The following ORC4 variants were observed in gnomAD, a reference collection of about 807,000 sequenced individuals.
The protein encoded by ORC4 is origin recognition complex, subunit 4 homolog.
A neutral mutation model predicts 63.9 loss-of-function variants in ORC4; 55 were observed. The observed-to-expected ratio is 0.86, with a 90% CI of 0.69 to 1.08. ORC4 has a LOEUF of 1.08. ORC4 is among the 50% of genes least tolerant of loss of function. The pLI, the probability that ORC4 is intolerant of heterozygous loss-of-function variation, is 0.00. For missense variants in ORC4, 511 were observed against 504.4 expected (o/e 1.01, Z -0.13); for synonymous variants, 150 against 168.5 (o/e 0.89, Z 0.85).
chr2:148,002,702 A>C (rs1324698583), intron 1 of ORC4, among the ~76,000 whole-genome samples: 3 of 152,140 alleles, frequency 2.0e-5, no homozygotes, highest in African/African-American at 4.8e-5. Flanking sequence ...AATTAAAAAA[A>C]CTAGAGAAGC....
At position 147,935,413 on chromosome 2, in the gene ORC4, T is replaced by G; in HGVS notation, c.*97A>C. On this transcript the variant is annotated 3_prime_UTR_variant, in exon 14 of 14. Transcript: ENST00000392857. ...CAAGTCTCACATAAATACAAGAATGTTTATAGAATGTTTAGCATATCATGT... is the reference window on the plus strand; with the variant it reads ...CAAGTCTCACATAAATACAAGAATGGTTATAGAATGTTTAGCATATCATGT... 1.1e-6 allele frequency: 1 copy of G among 915,944 alleles called. No homozygotes were observed. The highest frequency in any genetic ancestry group is 1.8e-6 in the Non-Finnish European group (1 of 561,278). 56.7% of individuals were successfully genotyped at this position (915,944 alleles called of 1,614,324 possible).
chr2:147,947,910 G>GTA (rs1688744559), intron 9 of ORC4, 141 bp downstream of exon 9: 1 of 667,276 alleles, frequency 1.5e-6, no homozygotes, highest in Non-Finnish European at 2.6e-6. Flanking sequence ...TTTTTAAAAA[G>GTA]TATATAATTT....
chr2:147,938,073 T>G (rs1688152093), intron 13 of ORC4, 73 bp downstream of exon 13: 1 of 1,002,088 alleles, frequency 1.0e-6, no homozygotes, highest in Non-Finnish European at 1.6e-6. Flanking sequence ...GAAAGTGCAA[T>G]TTTAATACAT....
Position 147,972,798 on chromosome 2 carries a change from G to A in ORC4, c.166C>T (p.Leu56Phe). Residue 56 changes from leucine (L) to phenylalanine (F), a missense_variant, in exon 4 of 14, where the codon CTC becomes TTC. Leu to Phe is a conservative substitution (Grantham distance 22). Transcript: ENST00000392857. ...HLSELLKRTALHGESNSVLII... is the reference protein window; with the variant it reads ...HLSELLKRTAFHGESNSVLII... ...AGGACAGAGTTACTCTCTCCATGGA[G>A]AGCAGTTCTTTTCAGCAGCTCACTT... The A allele has an allele frequency of 6.2e-7, 1 of 1,611,802 alleles. No homozygotes were observed.
intron 1 of ORC4, among the ~76,000 whole-genome samples, chr2:148,000,454 T>C (rs936128020): frequency 1.6e-4 from 24 of 152,142 alleles, no homozygotes; most frequent in African/African-American, 5.8e-4. Flanking sequence ...ATTTCACCTT[T>C]ATAATTTGAA....
In ORC4 at chr2:147,935,371, C is replaced by A; in HGVS notation, c.*139G>T. On this transcript the variant is annotated 3_prime_UTR_variant, in exon 14 of 14. Transcript: ENST00000392857. ...TTCATGATTAAAAGGCAAGACACAG[C>A]CAAGACAGTAGATGGGCAAGTCTCA... The A allele has an allele frequency of 1.4e-6, 1 of 693,768 alleles. No homozygotes were observed. Among genetic ancestry groups the A allele is most frequent in the Non-Finnish European group, 2.6e-6 (1 of 388,190 alleles). The allele number at this position is 693,768 out of a possible 1,614,324, so 43.0% of individuals were successfully genotyped here.
chr2:147,978,349 T>A (rs1174369086), intron 1 of ORC4, among the ~76,000 whole-genome samples: 4 of 152,186 alleles, frequency 2.6e-5, no homozygotes, highest in Non-Finnish European at 5.9e-5. Context: ...GGACAGAGAT[T>A]GGCAAGTCTG....
intron 4 of ORC4, among the ~76,000 whole-genome samples, chr2:147,965,141 G>T (rs1009331153): frequency 5.9e-5 from 9 of 152,168 alleles, no homozygotes; most frequent in African/African-American, 2.2e-4. Context: ...TGGTACTGCG[G>T]ATACATAAAG....
At chr2:147,973,050 T>A (rs1400396954) in intron 3 of ORC4, among the ~76,000 whole-genome samples, 1 of 152,064 alleles carries the variant, frequency 6.6e-6, no homozygotes, top group East Asian at 1.9e-4. Context: ...CGTAGTCAGA[T>A]TGGAATATAT....
intron 1 of ORC4, among the ~76,000 whole-genome samples, chr2:148,013,583 T>C (rs1248740645): frequency 1.3e-5 from 2 of 152,186 alleles, no homozygotes; most frequent in Admixed American, 6.6e-5. Context: ...GGAAATGAAA[T>C]GTCCCTAACA....
At position 147,935,206 on chromosome 2, in the gene ORC4, G is replaced by T; in HGVS notation, c.*304C>A. The T allele has an allele frequency of 3.1e-6, 1 of 324,860 alleles. No homozygotes were observed. The highest frequency in any genetic ancestry group is 4.5e-5 in the Admixed American group (1 of 22,116). The allele number at this position is 324,860 out of a possible 1,614,324, so 20.1% of individuals were successfully genotyped here. A position where few individuals can be genotyped will look rare whatever the true frequency, so the allele number is the denominator to read the frequency against. On this transcript the variant is annotated 3_prime_UTR_variant, in exon 14 of 14. Coordinates refer to ENST00000392857, the MANE Select transcript of ORC4 (RefSeq NM_181741.4). ...AAAGACATCTAGCTGTTAGGTTGAA[G>T]TGAGCTCTTCAAATAGACCATTATA...
intron 1 of ORC4, among the ~76,000 whole-genome samples, chr2:147,987,579 A>T (rs368793466): frequency 1.3e-5 from 2 of 152,196 alleles, no homozygotes. Context: ...CGACGCCAGG[A>T]GCTGTAACAC....
At chr2:148,017,608 G>A (rs1693388044) in intron 1 of ORC4, among the ~76,000 whole-genome samples, 1 of 152,162 alleles carries the variant, frequency 6.6e-6, no homozygotes, top group Non-Finnish European at 1.5e-5. Flanking sequence ...GGAGGCGGAG[G>A]TTGCAGTGAG....
intron 1 of ORC4, among the ~76,000 whole-genome samples, chr2:148,000,969 T>A (rs990359780): frequency 6.6e-6 from 1 of 152,024 alleles, no homozygotes; most frequent in Non-Finnish European, 1.5e-5. Context: ...GAGGTAGCAA[T>A]ATAAAATGTT....
intron 1 of ORC4, among the ~76,000 whole-genome samples, chr2:147,982,380 A>G (rs1690938608): frequency 6.6e-6 from 1 of 152,344 alleles, no homozygotes; most frequent in East Asian, 1.9e-4. Flanking sequence ...GACTAATTAA[A>G]ATGTAAAAAG....
intron 4 of ORC4, among the ~76,000 whole-genome samples, chr2:147,970,217 T>G (rs1690133827): frequency 6.6e-6 from 1 of 152,150 alleles, no homozygotes; most frequent in African/African-American, 2.4e-5. Flanking sequence ...AAATAGATAC[T>G]CCAAGAACGG....
At chr2:147,994,255 T>A (rs1404217645) in intron 1 of ORC4, among the ~76,000 whole-genome samples, 1 of 152,084 alleles carries the variant, frequency 6.6e-6, no homozygotes, top group African/African-American at 2.4e-5. Context: ...TAGAAAAAAA[T>A]TCGTATTGTT....
intron 1 of ORC4, among the ~76,000 whole-genome samples, chr2:148,015,228 C>G (rs1039769773): frequency 3.4e-5 from 5 of 148,790 alleles, no homozygotes; most frequent in Non-Finnish European, 5.9e-5. Flanking sequence ...AGATTTCCTT[C>G]AAAGCAGCAT....
At position 147,958,617 on chromosome 2, in the gene ORC4, G is replaced by T. The variant is rs934464534; in HGVS notation, c.301+174C>A. ...CCCACAAAAACCAGAGTCCTTCTGC[G>T]ACTCCTTCATTATTATTATTTTAAT... On this transcript the variant is annotated intron_variant, in intron 5 of 13. Transcript: ENST00000392857. 5 of 564,374 alleles carry T rather than the reference G, an allele frequency of 8.9e-6. No individual in the cohort carries two copies. In the African/African-American group the frequency reaches 9.8e-5, roughly 11 times the overall value. The allele number at this position is 564,374 out of a possible 1,614,324, so 35.0% of individuals were successfully genotyped here. A position where few individuals can be genotyped will look rare whatever the true frequency, so the allele number is the denominator to read the frequency against.
Sources: allele counts gnomAD v4.1 joint callset (sites outside exome capture counted in the v4.1 genomes callset), GRCh38; gene constraint gnomAD v4.1.1; transcripts MANE v1.5; gene names NCBI Gene and HGNC (gene_info 2026-07-23, HGNC 2026-07-21).